Variants in GRID2 observed in about 807,000 individuals in gnomAD.
GRID2 encodes glutamate ionotropic receptor delta type subunit 2.
GRID2 carries 33 observed loss-of-function variants against 114.8 expected under a neutral mutation model. The ratio of observed to expected loss-of-function variants is 0.29; its 90% confidence interval spans 0.22 to 0.38. The LOEUF is 0.38. GRID2 is among the 10% of genes least tolerant of loss of function. The probability of loss-of-function intolerance (pLI) is 1.00; values close to 1 mark genes in which losing one functional copy is unlikely to be tolerated. For synonymous variants in GRID2, 505 were observed against 449.9 expected, an observed-to-expected ratio of 1.12 and a Z score of -1.55; for missense variants, 1,184 against 1,257.7, an observed-to-expected ratio of 0.94 and a Z score of 0.89.
At chr4:92,435,226 G>C (rs1560627192) in intron 1 of GRID2, among the ~76,000 whole-genome samples, 1 of 152,044 alleles carries the variant, frequency 6.6e-6, no homozygotes, top group Non-Finnish European at 1.5e-5. Flanking sequence ...AAGATCCTTG[G>C]GACATTTCAC....
Position 93,519,422 on chromosome 4 carries a change from A to T in GRID2, c.2193+4011A>T, listed in dbSNP as rs141696484. 6.8e-3 allele frequency among the ~76,000 whole-genome samples: 1,041 copies of T among 152,252 alleles called. 10 individuals are homozygous for T. The highest frequency in any genetic ancestry group is 0.024 in the African/African-American group (1,000 of 41,560). ...ACTTTGAGTAGTTACTGGCATTAGCACCTTAGTGGAATTTAGTCTATTAGA... is the reference window on the plus strand; with the variant it reads ...ACTTTGAGTAGTTACTGGCATTAGCTCCTTAGTGGAATTTAGTCTATTAGA... On this transcript the variant is annotated intron_variant, in intron 13 of 15. Transcript: ENST00000282020.
chr4:93,592,741 A>C lies in GRID2; in HGVS notation c.2194-33528A>C, dbSNP rs182107232. ...ACTTGCTTTATGAATCTGGGTGCTCATGTATTGGGTGCATACATATTTAGG... is the reference window on the plus strand; with the variant it reads ...ACTTGCTTTATGAATCTGGGTGCTCCTGTATTGGGTGCATACATATTTAGG... On this transcript the variant is annotated intron_variant, in intron 13 of 15. Coordinates refer to ENST00000282020, the MANE Select transcript of GRID2 (RefSeq NM_001510.4). Among the ~76,000 whole-genome samples the C allele has an allele frequency of 1.1e-4, 17 of 152,264 alleles. No individual in the cohort carries two copies. The East Asian group carries it at 1.9e-3, about 17-fold the overall frequency.
chr4:93,182,606 T>C (rs752807859), intron 4 of GRID2, among the ~76,000 whole-genome samples: 3 of 152,236 alleles, frequency 2.0e-5, no homozygotes, highest in Non-Finnish European at 2.9e-5. Flanking sequence ...TTTTAAAACA[T>C]GCCTACAGGC....
chr4:93,112,627 T>C (rs1579022699), intron 4 of GRID2, among the ~76,000 whole-genome samples: 2 of 152,146 alleles, frequency 1.3e-5, no homozygotes, highest in Non-Finnish European at 2.9e-5. Context: ...CTTGGGTAGT[T>C]CATTATAGCA....
rs572197737 is a variant in GRID2 at position 93,591,690 on chromosome 4, C to T, written c.2194-34579C>T. Among the ~76,000 whole-genome samples, 6 of 152,068 alleles carry T rather than the reference C, an allele frequency of 3.9e-5. No individual in the cohort carries two copies. The South Asian group carries it at 1.3e-3, about 32-fold the overall frequency. On this transcript the variant is annotated intron_variant, in intron 13 of 15. Transcript: ENST00000282020. ...GGCTGTGAATCCATCTGGTCCTGGA[C>T]TCTTTTTGGTTGGTAAGGTATTGAT...
At chr4:93,367,278 T>G (rs1762435538) in intron 8 of GRID2, among the ~76,000 whole-genome samples, 1 of 151,564 alleles carries the variant, frequency 6.6e-6, no homozygotes, top group Admixed American at 6.6e-5. Context: ...CCAGCTAGTT[T>G]TAAGTCTCAG....
At chr4:93,258,607 T>G (rs1196394153) in intron 8 of GRID2, among the ~76,000 whole-genome samples, 14 of 151,782 alleles carry the variant, frequency 9.2e-5, no homozygotes. Context: ...ACTCCTTTAG[T>G]GCATTATGAT....
chr4:92,713,468 T>G (rs1735361791), intron 2 of GRID2, among the ~76,000 whole-genome samples: 1 of 84,152 alleles, frequency 1.2e-5, no homozygotes, highest in Admixed American at 1.5e-4. Context: ...TATTTACATA[T>G]ACATATACAT....
At chr4:93,417,574 A>C (rs530004459) in intron 9 of GRID2, among the ~76,000 whole-genome samples, 110 of 151,988 alleles carry the variant, frequency 7.2e-4, no homozygotes, top group Admixed American at 2.1e-3. Flanking sequence ...GACCCTTCCC[A>C]GCATCCCAGA....
rs560702143 is a variant in GRID2 at position 92,728,064 on chromosome 4, G to A, written c.244+137778G>A. On this transcript the variant is annotated intron_variant, in intron 2 of 15. Transcript: ENST00000282020. Reference sequence around the variant, plus strand: ...GAGACAGGGGAGGGAATGGAGTGGTGAGACCAGGAAGACAAGTTGGAACAG... The same window carrying A: ...GAGACAGGGGAGGGAATGGAGTGGTAAGACCAGGAAGACAAGTTGGAACAG... 6.6e-5 allele frequency among the ~76,000 whole-genome samples: 10 copies of A among 152,192 alleles called. No individual in the cohort carries two copies. In the South Asian group the frequency reaches 1.9e-3, roughly 28 times the overall value.
intron 13 of GRID2, among the ~76,000 whole-genome samples, chr4:93,592,661 A>T (rs1231314283): frequency 6.6e-6 from 1 of 152,090 alleles, no homozygotes; most frequent in Non-Finnish European, 1.5e-5. Flanking sequence ...GTGGGGTGTT[A>T]AAGTCTCCCA....
chr4:93,457,649 G>T (rs1382455629), intron 11 of GRID2, among the ~76,000 whole-genome samples: 2 of 152,182 alleles, frequency 1.3e-5, no homozygotes, highest in Non-Finnish European at 2.9e-5. Flanking sequence ...GGTAGCTTTG[G>T]GAGTCAAGAG....
chr4:93,768,840 C>G (rs1309075216), intron 14 of GRID2, among the ~76,000 whole-genome samples: 1 of 152,116 alleles, frequency 6.6e-6, no homozygotes, highest in African/African-American at 2.4e-5. Context: ...ACTACAACAA[C>G]TTGAAAGCAT....
At chr4:93,212,067 A>C (rs34317069) in intron 5 of GRID2, among the ~76,000 whole-genome samples, 6,356 of 152,198 alleles carry the variant, frequency 0.042, 180 homozygotes, top group Non-Finnish European at 0.064. Context: ...AGAAAAAAAA[A>C]ACATGGATTT....
chr4:93,406,421 C>T (rs918522548), intron 9 of GRID2, among the ~76,000 whole-genome samples: 3 of 152,072 alleles, frequency 2.0e-5, no homozygotes, highest in African/African-American at 4.8e-5. Context: ...ATGTGGTTGG[C>T]GCATATTATC....
chr4:93,345,898 A>C (rs1476694167), intron 8 of GRID2, among the ~76,000 whole-genome samples: 1 of 152,010 alleles, frequency 6.6e-6, no homozygotes, highest in African/African-American at 2.4e-5. Flanking sequence ...TATTGAAGAG[A>C]TTGTCCTTTT....
chr4:93,678,047 G>A (rs1231158773), intron 14 of GRID2, among the ~76,000 whole-genome samples: 1 of 152,106 alleles, frequency 6.6e-6, no homozygotes, highest in African/African-American at 2.4e-5. Context: ...TAGACGAATG[G>A]ATAACTAGAC....
chr4:92,913,570 T>A (rs1748547584), intron 2 of GRID2, among the ~76,000 whole-genome samples: 1 of 152,006 alleles, frequency 6.6e-6, no homozygotes, highest in Non-Finnish European at 1.5e-5. Context: ...AAGCTCATTT[T>A]CATAAATGTT....
chr4:92,346,736 T>G (rs79304726), intron 1 of GRID2, among the ~76,000 whole-genome samples: 3,946 of 152,240 alleles, frequency 0.026, 118 homozygotes, highest in East Asian at 0.16. Context: ...CATGTAAACA[T>G]TTGTACTCTT....
Sources: gnomAD v4.1 joint callset for allele counts (sites outside exome capture counted in the v4.1 genomes callset) on GRCh38, gnomAD v4.1.1 for gene constraint, MANE v1.5 for transcripts, NCBI Gene and HGNC (gene_info 2026-07-23, HGNC 2026-07-21) for gene names.